The following MOV10 variants were observed in gnomAD, a reference collection of about 807,000 sequenced individuals.
The protein encoded by MOV10 is Mov10 RNA helicase.
MOV10 carries 39 observed loss-of-function variants against 108.4 expected under a neutral mutation model. That is an observed-to-expected ratio of 0.36 (90% confidence interval 0.28 to 0.47). The LOEUF (loss-of-function observed/expected upper bound fraction) is 0.47, where lower values mean the gene tolerates loss of function less well. Ranked by LOEUF, MOV10 falls within the 20% of genes least tolerant of loss-of-function variation. The pLI is 1.00. For synonymous variants in MOV10, 490 were observed against 523.1 expected (o/e 0.94, Z 0.86); for missense variants, 952 against 1,297.6 (o/e 0.73, Z 4.09).
chr1:112,681,230 A>T (rs1243738300), intron 2 of MOV10, among the ~76,000 whole-genome samples: 1 of 151,564 alleles, frequency 6.6e-6, no homozygotes. Flanking sequence ...AGTGGCTCAA[A>T]CCTGTAATCC....
chr1:112,696,070 G>A (rs570435821), intron 11 of MOV10, 78 bp from the exon 12 acceptor site: 7 of 942,662 alleles, frequency 7.4e-6, no homozygotes, highest in East Asian at 4.9e-5. Context: ...ATTGTTTGAG[G>A]GGGGGTACCC....
intron 17 of MOV10, 125 bp downstream of exon 17, chr1:112,698,914 C>T (rs1042846301): frequency 6.7e-5 from 54 of 801,558 alleles, no homozygotes; most frequent in Admixed American, 2.1e-4. Context: ...TTGAATAGAG[C>T]TCGAGCTCTC....
rs779633995 is a variant in MOV10 at position 112,700,515 on chromosome 1, G to A, written c.*8G>A. 1 of 1,612,164 alleles carries A rather than the reference G, an allele frequency of 6.2e-7. No homozygotes were observed. The highest frequency in any genetic ancestry group is 1.1e-5 in the South Asian group (1 of 90,816). On this transcript the variant is annotated 3_prime_UTR_variant, in exon 21 of 21. Coordinates refer to ENST00000369645, the MANE Select transcript of MOV10 (RefSeq NM_001321324.2). ...TGGAGGAATGAGCTCTGAAGACACA[G>A]CACCCAGCCTTCTCGCACCAGCCAA...
chr1:112,694,718 T>A lies in MOV10; in HGVS notation c.1473-31T>A. Reference sequence around the variant, plus strand: ...GGAGGCCTCTGGGTCACTGGATGACTTCAAGTTCACATTCCTGGTCCCTCT... The same window carrying A: ...GGAGGCCTCTGGGTCACTGGATGACATCAAGTTCACATTCCTGGTCCCTCT... On this transcript the variant is annotated intron_variant, in intron 9 of 20. Transcript: ENST00000369645. This position sits in a 1 kb window ranked among gnomAD's most constrained non-coding sequence, Gnocchi z 4.1. 1 of 1,609,490 alleles carries A rather than the reference T, an allele frequency of 6.2e-7. No homozygotes were observed. The highest frequency in any genetic ancestry group is 8.5e-7 in the Non-Finnish European group (1 of 1,176,742).
intron 17 of MOV10, 58 bp from the exon 18 acceptor site, chr1:112,699,627 G>A (rs1297636171): frequency 1.9e-6 from 3 of 1,609,776 alleles, no homozygotes; most frequent in East Asian, 4.5e-5. Context: ...GCTCCCTGGG[G>A]TAGGGCACCC....
intron 14 of MOV10, 49 bp from the exon 15 acceptor site, chr1:112,697,945 C>A: frequency 6.7e-7 from 1 of 1,502,298 alleles, no homozygotes; most frequent in Non-Finnish European, 9.3e-7. Context: ...CCCTGTAGGG[C>A]AGAGGGAATC....
intron 2 of MOV10, among the ~76,000 whole-genome samples, chr1:112,682,413 G>T (rs1207406682): frequency 3.3e-5 from 5 of 152,130 alleles, no homozygotes; most frequent in African/African-American, 1.2e-4. Context: ...TGTGGAGATG[G>T]GGTCTGTCTA....
At position 112,699,333 on chromosome 1, in the gene MOV10, G is replaced by A. The variant is rs556761800; in HGVS notation, c.2584-352G>A. On this transcript the variant is annotated intron_variant, in intron 17 of 20. Coordinates refer to ENST00000369645, the MANE Select transcript of MOV10 (RefSeq NM_001321324.2). ...GGCCTCTCTCTTGGAAATTCTGATC[G>A]GGGGTCCGGGTTAGGGCCCAGGGTT... 5 of 422,304 alleles carry A rather than the reference G, an allele frequency of 1.2e-5. No homozygotes were observed. In the South Asian group the frequency reaches 1.5e-4, roughly 13 times the overall value. The allele number at this position is 422,304 out of a possible 1,614,324, so 26.2% of individuals were successfully genotyped here. A position where few individuals can be genotyped will look rare whatever the true frequency, so the allele number is the denominator to read the frequency against.
chr1:112,695,476 G>A lies in MOV10; in HGVS notation c.1681G>A (p.Asp561Asn). 5 of 1,614,190 alleles carry A rather than the reference G, an allele frequency of 3.1e-6. No homozygotes were observed. Among genetic ancestry groups the A allele is most frequent in the Non-Finnish European group, 4.2e-6 (5 of 1,180,042 alleles). ...LACAPSNSGA[D>N]LLCQRLRVHL... ...CTGCGCTCCATCCAACTCAGGGGCT[G>A]ACCTACTCTGTCAAAGGCTCCGGGT... Residue 561 changes from aspartate to asparagine, a missense_variant, in exon 11 of 21, where the codon GAC (aspartate) becomes AAC (asparagine). Asp to Asn is a conservative substitution (Grantham distance 23). Around this residue, in one of 5 missense-constraint regions of MOV10, gnomAD observed 453 missense variants for 611.5 expected, o/e 0.74. Coordinates refer to ENST00000369645, the MANE Select transcript of MOV10 (RefSeq NM_001321324.2).
At chr1:112,689,796 G>A (rs1466995962) in intron 4 of MOV10, 44 bp from the exon 5 acceptor site, 1 of 1,601,758 alleles carries the variant, frequency 6.2e-7, no homozygotes, top group East Asian at 2.2e-5. Context: ...AAGGATATGG[G>A]TGGGAGGGTC....
rs1472227940 is a variant in MOV10, at chr1:112,694,415, T to C, written c.1296-38T>C. On this transcript the variant is annotated intron_variant, in intron 8 of 20. Coordinates refer to ENST00000369645, the MANE Select transcript of MOV10 (RefSeq NM_001321324.2). The surrounding 1 kb of genome is among the most constrained non-coding windows in gnomAD (Gnocchi z 4.1). Reference sequence around the variant, plus strand: ...CTGGCCCTTTATTGCCCACCTCCCCTGCCCCAACAAACTCTTACCACCTCT... The same window carrying C: ...CTGGCCCTTTATTGCCCACCTCCCCCGCCCCAACAAACTCTTACCACCTCT... The C allele has an allele frequency of 6.2e-7, 1 of 1,612,672 alleles. No individual in the cohort carries two copies. The highest frequency in any genetic ancestry group is 1.1e-5 in the South Asian group (1 of 90,982).
Position 112,681,320 on chromosome 1 carries a change from C to T in MOV10, c.137+6271C>T, listed in dbSNP as rs1345319126. 4.6e-5 allele frequency among the ~76,000 whole-genome samples: 7 copies of T among 152,072 alleles called. 1 individual carries two copies. Among genetic ancestry groups the T allele is most frequent in the East Asian group, 1.9e-4 (1 of 5,166 alleles). ...CAGTCTGGCCAACATGGCGAAACCC[C>T]GTCTCTACTAAAAAATACAAAAAAT... On this transcript the variant is annotated intron_variant, in intron 2 of 20. Transcript: ENST00000369645.
At chr1:112,677,501 T>C (rs1322743238) in intron 2 of MOV10, among the ~76,000 whole-genome samples, 1 of 152,122 alleles carries the variant, frequency 6.6e-6, no homozygotes, top group African/African-American at 2.4e-5. Context: ...GCTCATTCTT[T>C]ATACCTTGGG....
At position 112,698,498 on chromosome 1, in the gene MOV10, G is replaced by T. The variant is rs368186389; in HGVS notation, c.2508+20G>T. 4.8e-5 allele frequency: 78 copies of T among 1,610,662 alleles called. No individual in the cohort carries two copies. The East Asian group carries it at 1.4e-3, about 29-fold the overall frequency. ...AAACAGGTCAGGTCCTCAGTTACCA[G>T]CAAGGGTGGGGCCCCTCCCCCAGAT... On this transcript the variant is annotated intron_variant, in intron 16 of 20. Coordinates refer to ENST00000369645, the MANE Select transcript of MOV10 (RefSeq NM_001321324.2).
chr1:112,690,135 G>T, intron 5 of MOV10, 37 bp downstream of exon 5: 2 of 1,603,372 alleles, frequency 1.2e-6, no homozygotes, highest in Non-Finnish European at 1.7e-6. Flanking sequence ...GGCTGGGCTC[G>T]TATCTCAACC....
chr1:112,689,605 G>A lies in MOV10; in HGVS notation c.532G>A (p.Ala178Thr), dbSNP rs1673395445. 1 of 1,614,104 alleles carries A rather than the reference G, an allele frequency of 6.2e-7. No individual in the cohort carries two copies. The highest frequency in any genetic ancestry group is 1.3e-5 in the African/African-American group (1 of 74,932). Residue 178 changes from alanine to threonine, a missense_variant, in exon 4 of 21, where the codon GCT becomes ACT. This residue lies in a region of MOV10 where 374 missense variants were observed against 468.6 expected (regional missense o/e 0.80). Coordinates refer to ENST00000369645, the MANE Select transcript of MOV10 (RefSeq NM_001321324.2). ...CCCACTCTGCCGGACACCCCAGTTT[G>A]CTTTCTACAATGAAGACCAGGAGTT... ...LFPLCRTPQFAFYNEDQELPC... is the reference protein window; with the variant it reads ...LFPLCRTPQFTFYNEDQELPC...
intron 2 of MOV10, among the ~76,000 whole-genome samples, chr1:112,688,044 C>T (rs1673224936): frequency 6.6e-6 from 1 of 152,128 alleles, no homozygotes; most frequent in Admixed American, 6.5e-5. Flanking sequence ...TGGACACCTC[C>T]TCTGCCCCCA....
intron 2 of MOV10, among the ~76,000 whole-genome samples, chr1:112,679,177 C>T (rs1482917161): frequency 6.6e-6 from 1 of 151,984 alleles, no homozygotes; most frequent in Admixed American, 6.6e-5. Context: ...AAAGATTAGC[C>T]ATTGTTCACC....
At chr1:112,699,499 A>C in intron 17 of MOV10, 186 bp from the exon 18 acceptor site, 2 of 1,437,292 alleles carry the variant, frequency 1.4e-6, no homozygotes, top group Non-Finnish European at 9.1e-7. Context: ...TTCAACCTTC[A>C]TGTTTCAGCT....
Sources: gnomAD v4.1 joint callset for allele counts (sites outside exome capture counted in the v4.1 genomes callset) on GRCh38, gnomAD v4.1.1 for gene constraint, gnomAD v4.1.1 regional missense constraint, Gnocchi (gnomAD v3.1) non-coding constraint, MANE v1.5 for transcripts, NCBI Gene and HGNC (gene_info 2026-07-23, HGNC 2026-07-21) for gene names.